Variants in UNC119 observed in about 807,000 individuals in gnomAD.
UNC119 encodes the protein unc-119 lipid binding chaperone.
UNC119 carries 15 observed loss-of-function variants against 22.6 expected under a neutral mutation model. The ratio of observed to expected loss-of-function variants is 0.66; its 90% CI spans 0.44 to 1.02. The LOEUF (loss-of-function observed/expected upper bound fraction) is 1.02. Ranked by LOEUF, UNC119 falls within the 50% of genes least tolerant of loss-of-function variation. The pLI, the probability that UNC119 is intolerant of heterozygous loss-of-function variation, is 0.00. For missense variants in UNC119, 322 were observed against 336.0 expected (o/e 0.96, Z 0.33); for synonymous variants, 138 against 139.4 (o/e 0.99, Z 0.07).
chr17:28,552,312 G>A, intron 1 of UNC119, 26 bp downstream of exon 1: 5 of 1,529,236 alleles, frequency 3.3e-6, no homozygotes, highest in Non-Finnish European at 4.4e-6. Flanking sequence ...CCCACCCGCG[G>A]GCGGCGCTCC....
intron 1 of UNC119, chr17:28,550,858 A>G (rs1036698189): frequency 4.6e-5 from 7 of 152,232 alleles, no homozygotes; most frequent in African/African-American, 1.7e-4. Flanking sequence ...CTAGTTGCAA[A>G]ATAAACCCCC....
chr17:28,552,546 C>A lies in UNC119; in HGVS notation c.12G>T (p.Lys4Asn), dbSNP rs1319043137. The A allele has an allele frequency of 1.3e-6, 2 of 1,537,748 alleles. No individual in the cohort carries two copies. Among genetic ancestry groups the A allele is most frequent in the Non-Finnish European group, 1.7e-6 (2 of 1,152,474 alleles). Reference sequence around the variant, plus strand: ...CCGTCCCGGCCCCACCGCCGCCCTTCTTCACCTTCATGGCCTTGCGGGGCC... The same window carrying A: ...CCGTCCCGGCCCCACCGCCGCCCTTATTCACCTTCATGGCCTTGCGGGGCC... MKV[K>N]KGGGGAGTAT... The change falls in exon 1 of 5, where the codon AAG becomes AAT. Residue 4 changes from lysine to asparagine, a missense_variant. By Grantham distance (94) the Lys-to-Asn change is moderately conservative. Coordinates refer to ENST00000335765, the MANE Select transcript of UNC119 (RefSeq NM_005148.4).
chr17:28,552,281 C>G, intron 1 of UNC119, 57 bp downstream of exon 1: 1 of 1,478,294 alleles, frequency 6.8e-7, no homozygotes, highest in Non-Finnish European at 9.1e-7. Flanking sequence ...GCCGGGAGGG[C>G]CCCTCGCACC....
At chr17:28,547,885 T>C in intron 3 of UNC119, 36 bp from the exon 4 acceptor site, 1 of 1,612,908 alleles carries the variant, frequency 6.2e-7, no homozygotes, top group East Asian at 2.2e-5. Flanking sequence ...AAGTCTGTCC[T>C]TGAAGTCAAC....
At chr17:28,550,448 A>C (rs917493850) in intron 1 of UNC119, 1 of 152,252 alleles carries the variant, frequency 6.6e-6, no homozygotes, top group Non-Finnish European at 1.5e-5. Context: ...GAAGTGAGGA[A>C]CACGGATATC....
At chr17:28,550,393 C>A (rs1482814072) in intron 1 of UNC119, 4 of 152,222 alleles carry the variant, frequency 2.6e-5, no homozygotes, top group Non-Finnish European at 5.9e-5. Context: ...TAACCTCAGT[C>A]TCTTCTACTG....
In UNC119 at chr17:28,552,483, C is replaced by T; in HGVS notation, c.75G>A (p.Val25=). The change falls in exon 1 of 5, where the codon GTG becomes GTA. Residue 25 remains valine, a synonymous_variant. Transcript: ENST00000335765. ...ESAPGPSGQS[V]APIPQPPAES... is the part of the protein sequence containing the mutation. ...CCGCAGGCGGCTGTGGTATGGGGGCCACGCTCTGGCCCGAGGGCCCCGGAG... is the reference window on the plus strand; with the variant it reads ...CCGCAGGCGGCTGTGGTATGGGGGCTACGCTCTGGCCCGAGGGCCCCGGAG... 1.9e-6 allele frequency: 3 copies of T among 1,576,986 alleles called. No homozygotes were observed. Among genetic ancestry groups the T allele is most frequent in the Non-Finnish European group, 1.7e-6 (2 of 1,170,526 alleles).
At chr17:28,552,067 C>T in intron 1 of UNC119, 1 of 657,716 alleles carries the variant, frequency 1.5e-6, no homozygotes, top group Non-Finnish European at 2.9e-6. Context: ...GCACGTACCT[C>T]CACGCTGGGA....
intron 2 of UNC119, 66 bp from the exon 3 acceptor site, chr17:28,548,167 C>T (rs1463249846): frequency 1.7e-5 from 25 of 1,462,666 alleles, no homozygotes; most frequent in Non-Finnish European, 2.2e-5. Context: ...CAGGGTTCTA[C>T]CCTTGGGTCC....
At chr17:28,548,307 G>A in intron 2 of UNC119, 2 of 629,742 alleles carry the variant, frequency 3.2e-6, no homozygotes, top group Admixed American at 2.9e-5. Flanking sequence ...TGCTTCCCCG[G>A]GCCACAGGAT....
In UNC119 at chr17:28,547,745, A is replaced by G; in HGVS notation, c.542T>C (p.Phe181Ser). 1 of 1,614,234 alleles carries G rather than the reference A, an allele frequency of 6.2e-7. No homozygotes were observed. Residue 181 changes from phenylalanine to serine, a missense_variant, in exon 4 of 5, where the codon TTC (phenylalanine) becomes TCC (serine). Physicochemically the swap from Phe to Ser is radical, Grantham distance 155. Coordinates refer to ENST00000335765, the MANE Select transcript of UNC119 (RefSeq NM_005148.4). Reference sequence around the variant, plus strand: ...GGTGTTCTTGCTGCTGGGGATGCAGAAGCCAAAGTGGAAGTCGAAGCTTTT... The same window carrying G: ...GGTGTTCTTGCTGCTGGGGATGCAGGAGCCAAAGTGGAAGTCGAAGCTTTT... The part of the protein sequence containing the change: ...LLKSFDFHFG[F>S]CIPSSKNTCE...
intron 4 of UNC119, 58 bp from the exon 5 acceptor site, chr17:28,547,467 C>T: frequency 6.2e-7 from 1 of 1,604,868 alleles, no homozygotes; most frequent in Non-Finnish European, 8.5e-7. Flanking sequence ...CCCGCCACTG[C>T]AGGGGCTTCA....
Position 28,547,220 on chromosome 17 carries a change from G to A in UNC119, c.*77C>T. 1 of 1,563,528 alleles carries A rather than the reference G, an allele frequency of 6.4e-7. No individual in the cohort carries two copies. On this transcript the variant is annotated 3_prime_UTR_variant, in exon 5 of 5. Transcript: ENST00000335765. The stretch of plus-strand genomic sequence containing the variant: ...GAACTCCCCAAGCAGAGGACTTGGG[G>A]TTGAGGGGTGAGCGTTGGGGAGGTC...
At chr17:28,550,477 G>A (rs1048112132) in intron 1 of UNC119, 1 of 152,274 alleles carries the variant, frequency 6.6e-6, no homozygotes, top group African/African-American at 2.4e-5. Flanking sequence ...AGAACACCAC[G>A]GCCACTCCTT....
At chr17:28,552,278 GGGCCCCTC>G in intron 1 of UNC119, 52 bp downstream of exon 1, 1 of 1,471,286 alleles carries the variant, frequency 6.8e-7, no homozygotes. Flanking sequence ...CGCGCCGGGA[GGGCCCCTC>G]GCACCCTCTC....
At chr17:28,548,221 C>T in intron 2 of UNC119, 120 bp from the exon 3 acceptor site, 1 of 1,030,448 alleles carries the variant, frequency 9.7e-7, no homozygotes, top group South Asian at 1.5e-5. Flanking sequence ...AATTCCGGGG[C>T]ACACTGAGGG....
At chr17:28,550,106 TG>T (rs1193102348) in intron 1 of UNC119, 2 of 152,170 alleles carry the variant, frequency 1.3e-5, no homozygotes, top group African/African-American at 4.8e-5. Context: ...TTATACAGCT[TG>T]GGGAAGAGGC....
chr17:28,547,791 A>C lies in UNC119; in HGVS notation c.496T>G (p.Tyr166Asp), dbSNP rs2070224696. 2 of 1,614,094 alleles carry C rather than the reference A, an allele frequency of 1.2e-6. No homozygotes were observed. Among genetic ancestry groups the C allele is most frequent in the Non-Finnish European group, 1.7e-6 (2 of 1,180,052 alleles). The change falls in exon 4 of 5, where the codon TAC (tyrosine) becomes GAC (aspartate). Residue 166 changes from tyrosine to aspartate, a missense_variant. Physicochemically the swap from Tyr to Asp is radical, Grantham distance 160. Transcript: ENST00000335765. ...CTTTTGAGTAGCTGGTTGCGGAAGT[A>C]GTGCCTCTCGATCATGCGGAAGTTG... ...VNNFRMIERH[Y>D]FRNQLLKSFD...
intron 3 of UNC119, 71 bp downstream of exon 3, chr17:28,547,927 AC>A: frequency 6.2e-7 from 1 of 1,612,672 alleles, no homozygotes; most frequent in South Asian, 1.1e-5. Context: ...GGCCACCCCT[AC>A]GAGAGGCTGA....
Sources: gnomAD v4.1 joint callset for allele counts on GRCh38, gnomAD v4.1.1 for gene constraint, MANE v1.5 for transcripts, NCBI Gene and HGNC (gene_info 2026-07-23, HGNC 2026-07-21) for gene names.